SNX30: variants seen among roughly 807,000 people sequenced by gnomAD.
SNX30 encodes sorting nexin family member 30.
A neutral mutation model predicts 46.4 loss-of-function variants in SNX30; 24 were observed. That is an observed-to-expected ratio of 0.52 (90% CI 0.37 to 0.73). The LOEUF is 0.73. SNX30 is among the 30% of genes least tolerant of loss of function. The pLI is 0.00. For missense variants in SNX30, 533 were observed against 555.7 expected (o/e 0.96, Z 0.41); for synonymous variants, 189 against 211.5 (o/e 0.89, Z 0.92).
At chr9:112,759,376 A>G (rs1164604466) in intron 1 of SNX30, among the ~76,000 whole-genome samples, 1 of 151,978 alleles carries the variant, frequency 6.6e-6, no homozygotes, top group African/African-American at 2.4e-5. Context: ...TTGGTAGGTA[A>G]CACTTGATCC....
intron 8 of SNX30, among the ~76,000 whole-genome samples, chr9:112,867,266 A>ATTC (rs1841371503): frequency 9.4e-6 from 1 of 106,622 alleles, no homozygotes. Flanking sequence ...CCTCCTCAGA[A>ATTC]CTCCTGCCTC....
rs1588134004 is a variant in SNX30 at position 112,838,597 on chromosome 9, T to C, written c.914T>C (p.Ile305Thr). The C allele has an allele frequency of 4.3e-6, 7 of 1,614,182 alleles. No individual in the cohort carries two copies. The highest frequency in any genetic ancestry group is 2.2e-5 in the South Asian group (2 of 91,076). The change falls in exon 6 of 9, where the codon ATT becomes ACT. Residue 305 changes from isoleucine (I) to threonine (T), a missense_variant. By Grantham distance (89) the Ile-to-Thr change is moderately conservative. Coordinates refer to ENST00000374232, the MANE Select transcript of SNX30 (RefSeq NM_001012994.2). ...CCCCTGGAGGGTGTGTCAGCTTGCATTGGGAACTGCTCTACAGCCTTAGAA... is the reference window on the plus strand; with the variant it reads ...CCCCTGGAGGGTGTGTCAGCTTGCACTGGGAACTGCTCTACAGCCTTAGAA... ...AEPLEGVSACIGNCSTALEEL... is the reference protein window; with the variant it reads ...AEPLEGVSACTGNCSTALEEL...
intron 1 of SNX30, among the ~76,000 whole-genome samples, chr9:112,774,264 G>A (rs1839701832): frequency 1.3e-5 from 2 of 152,048 alleles, no homozygotes; most frequent in African/African-American, 2.4e-5. Flanking sequence ...ACCAAAATTG[G>A]CTCTTTGAAA....
intron 6 of SNX30, among the ~76,000 whole-genome samples, chr9:112,843,015 G>C (rs757442533): frequency 1.3e-5 from 2 of 152,206 alleles, no homozygotes; most frequent in African/African-American, 2.4e-5. Context: ...CCTATAAACT[G>C]TGTGTGTATA....
chr9:112,837,892 T>TC lies in SNX30; in HGVS notation c.815-606_815-605insC, dbSNP rs202211895. 5.1e-4 allele frequency among the ~76,000 whole-genome samples: 72 copies of TC among 140,226 alleles called. 1 individual carries two copies. Among genetic ancestry groups the TC allele is most frequent in the Admixed American group, 7.1e-4 (10 of 14,090 alleles). 92.0% of individuals were successfully genotyped at this position (140,226 alleles called of 152,430 possible). On this transcript the variant is annotated intron_variant, in intron 5 of 8. Coordinates refer to ENST00000374232, the MANE Select transcript of SNX30 (RefSeq NM_001012994.2). ...GGTAGGCGAGTGGTTCTTTTCTTTT[T>TC]TTTTTTTTTTTTTTTTTTGACGGAG... is the stretch of plus-strand genomic sequence containing the variant.
At chr9:112,806,756 A>G (rs1157573721) in intron 2 of SNX30, among the ~76,000 whole-genome samples, 1 of 151,978 alleles carries the variant, frequency 6.6e-6, no homozygotes, top group East Asian at 1.9e-4. Flanking sequence ...CTTCTTGCCA[A>G]AAGCAACCAT....
chr9:112,764,168 T>C (rs1839492485), intron 1 of SNX30, among the ~76,000 whole-genome samples: 6 of 152,154 alleles, frequency 3.9e-5, no homozygotes, highest in Admixed American at 3.9e-4. Flanking sequence ...AAGGAATACA[T>C]GTCTTACAAA....
At chr9:112,785,625 C>T (rs1213573499) in intron 1 of SNX30, among the ~76,000 whole-genome samples, 1 of 152,134 alleles carries the variant, frequency 6.6e-6, no homozygotes, top group East Asian at 1.9e-4. Context: ...CTCAAGTGAT[C>T]TGCCTGCCTT....
chr9:112,785,230 T>C (rs1429411202), intron 1 of SNX30, among the ~76,000 whole-genome samples: 2 of 152,140 alleles, frequency 1.3e-5, no homozygotes, highest in African/African-American at 4.8e-5. Flanking sequence ...TAATTTTTTT[T>C]TTTGAGACAT....
At chr9:112,851,496 C>T (rs1309061044) in intron 7 of SNX30, among the ~76,000 whole-genome samples, 1 of 152,196 alleles carries the variant, frequency 6.6e-6, no homozygotes, top group African/African-American at 2.4e-5. Flanking sequence ...AAAAAGCCAA[C>T]AAAAAGTGGC....
Position 112,807,052 on chromosome 9 carries a change from CTTTTTTTTTTTTT to C in SNX30, c.348+2103_348+2115del, listed in dbSNP as rs10554051. Among the ~76,000 whole-genome samples the C allele has an allele frequency of 1.9e-4, 12 of 63,034 alleles. No homozygotes were observed. The East Asian group carries it at 4.2e-3, about 22-fold the overall frequency. 41.4% of individuals were successfully genotyped at this position (63,034 alleles called of 152,430 possible). On this transcript the variant is annotated intron_variant, in intron 2 of 8. Coordinates refer to ENST00000374232, the MANE Select transcript of SNX30 (RefSeq NM_001012994.2). ...TACTACTCTGTCTTTTCTTTTCTATCTTTTTTTTTTTTTTTTTTTTTTTTTTTTTTGAGACAGA... is the reference window on the plus strand; with the variant it reads ...TACTACTCTGTCTTTTCTTTTCTATCTTTTTTTTTTTTTTTTTGAGACAGA...
chr9:112,864,228 GT>G lies in SNX30; in HGVS notation c.1102-18del. On this transcript the variant is annotated intron_variant, in intron 7 of 8. Coordinates refer to ENST00000374232, the MANE Select transcript of SNX30 (RefSeq NM_001012994.2). ...CCAGTTTTGTGTGCAGGGCACCCAT[GT>G]GTGCCTCCCTTTTCCAGGTACCGGC... The G allele has an allele frequency of 6.2e-7, 1 of 1,613,182 alleles. No individual in the cohort carries two copies. The highest frequency in any genetic ancestry group is 8.5e-7 in the Non-Finnish European group (1 of 1,179,754).
At chr9:112,853,464 C>T (rs537513041) in intron 7 of SNX30, among the ~76,000 whole-genome samples, 1 of 152,312 alleles carries the variant, frequency 6.6e-6, no homozygotes, top group African/African-American at 2.4e-5. Flanking sequence ...GTCTCAGTCT[C>T]ATTTAAAGGA....
chr9:112,814,834 G>A (rs1840373247), intron 2 of SNX30, among the ~76,000 whole-genome samples: 1 of 152,148 alleles, frequency 6.6e-6, no homozygotes, highest in Non-Finnish European at 1.5e-5. Flanking sequence ...GGAATTACGA[G>A]GTGCTCAATG....
At chr9:112,832,459 A>AGAGAGG (rs1564284656) in intron 4 of SNX30, among the ~76,000 whole-genome samples, 1 of 111,246 alleles carries the variant, frequency 9.0e-6, no homozygotes, top group East Asian at 2.7e-4. Context: ...AGAGAGAGAG[A>AGAGAGG]GTGTGTGTGT....
chr9:112,779,857 A>G (rs1169775328), intron 1 of SNX30, among the ~76,000 whole-genome samples: 3 of 152,094 alleles, frequency 2.0e-5, no homozygotes, highest in East Asian at 3.9e-4. Flanking sequence ...CTTTATCCCT[A>G]TTTTACACGT....
At chr9:112,820,737 T>C (rs1194958483) in intron 3 of SNX30, among the ~76,000 whole-genome samples, 3 of 152,236 alleles carry the variant, frequency 2.0e-5, no homozygotes, top group South Asian at 2.1e-4. Context: ...ATGTACTTTC[T>C]ACAGATTTGC....
chr9:112,882,569 G>C (rs1841593533), downstream of SNX30, among the ~76,000 whole-genome samples: 1 of 152,172 alleles, frequency 6.6e-6, no homozygotes, highest in Non-Finnish European at 1.5e-5. Context: ...TGGTTCAGAG[G>C]CTAACTCAGT....
chr9:112,851,257 G>A (rs766405013), intron 7 of SNX30, among the ~76,000 whole-genome samples: 1 of 152,198 alleles, frequency 6.6e-6, no homozygotes, highest in African/African-American at 2.4e-5. Context: ...GCCTAAATCA[G>A]TGCTTTCAAA....
Sources: allele counts gnomAD v4.1 joint callset (sites outside exome capture counted in the v4.1 genomes callset), GRCh38; gene constraint gnomAD v4.1.1; transcripts MANE v1.5; gene names NCBI Gene and HGNC (gene_info 2026-07-23, HGNC 2026-07-21).